Variants in SLC2A14 observed in about 807,000 individuals in gnomAD.
SLC2A14 encodes solute carrier family 2 member 14, also known as solute carrier family 2, facilitated glucose transporter member 14.
Under a neutral mutation model 43.0 loss-of-function variants are expected in SLC2A14, and 13 were observed. The ratio of observed to expected loss-of-function variants is 0.30; its 90% CI spans 0.20 to 0.48. SLC2A14 has a LOEUF of 0.48. SLC2A14 is among the 20% of genes least tolerant of loss of function. The pLI, the probability that SLC2A14 is intolerant of heterozygous loss-of-function variation, is 0.99. For missense variants in SLC2A14, 428 were observed against 620.4 expected, an observed-to-expected ratio of 0.69 and a Z score of 3.29; for synonymous variants, 190 against 233.8, an observed-to-expected ratio of 0.81 and a Z score of 1.71.
At position 7,817,739 on chromosome 12, in the gene SLC2A14, A is replaced by AATAT. The variant is rs200083055; in HGVS notation, c.1275+88_1275+91dup. 5.8e-4 allele frequency: 447 copies of AATAT among 776,588 alleles called. 3 individuals are homozygous for AATAT. The highest frequency in any genetic ancestry group is 7.3e-4 in the Non-Finnish European group (414 of 565,704). The allele number at this position is 776,588 out of a possible 1,614,324, so 48.1% of individuals were successfully genotyped here. A position where few individuals can be genotyped will look rare whatever the true frequency, so the allele number is the denominator to read the frequency against. ...CACCAGGGCGAGACTCAGTCTCAAA[A>AATAT]ATATATATATATATAGATAGATAGA... On this transcript the variant is annotated intron_variant, in intron 10 of 10. Transcript: ENST00000431042.
At chr12:7,856,260 G>A (rs534449665) in intron 2 of SLC2A14, 45 of 152,264 alleles carry the variant, frequency 3.0e-4, no homozygotes, top group African/African-American at 9.9e-4. Context: ...GGGCTGAAGT[G>A]TGCTTTGCAC....
At chr12:7,844,825 C>T (rs1441651375) in intron 2 of SLC2A14, among the ~76,000 whole-genome samples, 4 of 152,024 alleles carry the variant, frequency 2.6e-5, no homozygotes, top group Non-Finnish European at 4.4e-5. Flanking sequence ...TGTGAGCCAC[C>T]GCACCGGGCT....
Position 7,861,974 on chromosome 12 carries a change from A to AAAC in SLC2A14, c.18+7888_18+7889insGTT, listed in dbSNP as rs1555143036. 2.0e-5 allele frequency among the ~76,000 whole-genome samples: 3 copies of AAAC among 146,824 alleles called. No homozygotes were observed. The South Asian group carries it at 6.5e-4, about 32-fold the overall frequency. On this transcript the variant is annotated intron_variant, in intron 2 of 10. Coordinates refer to ENST00000431042, the MANE Select transcript of SLC2A14 (RefSeq NM_001286234.2). ...GAGACTCCATTTCAAAAAAAAAAAA[A>AAAC]CAAAAACAAAGGCCAGTGTGGTGAC...
intron 8 of SLC2A14, 127 bp downstream of exon 8, chr12:7,821,094 T>C: frequency 1.4e-6 from 1 of 704,046 alleles, no homozygotes. Context: ...CTCAAAAAAT[T>C]TAAAAAAATA....
intron 2 of SLC2A14, among the ~76,000 whole-genome samples, chr12:7,841,476 G>A (rs1385487616): frequency 6.6e-6 from 1 of 152,056 alleles, no homozygotes; most frequent in African/African-American, 2.4e-5. Flanking sequence ...GGCCAGGCTG[G>A]TGTTGAACTC....
intron 2 of SLC2A14, among the ~76,000 whole-genome samples, chr12:7,844,377 A>C (rs1447461294): frequency 6.6e-6 from 1 of 152,052 alleles, no homozygotes; most frequent in Non-Finnish European, 1.5e-5. Flanking sequence ...ACATTTACTT[A>C]TCTATTCTCC....
intron 2 of SLC2A14, chr12:7,863,458 CT>C (rs1420763818): frequency 4.4e-6 from 2 of 452,354 alleles, no homozygotes; most frequent in Admixed American, 2.4e-5. Flanking sequence ...AACTCCATCT[CT>C]ATTAAAAATA....
At chr12:7,843,874 G>A (rs12231173) in intron 2 of SLC2A14, among the ~76,000 whole-genome samples, 36,602 of 144,284 alleles carry the variant, frequency 0.25, 934 homozygotes, top group East Asian at 0.32. Flanking sequence ...GTGCTGGGGC[G>A]GTTAGAATGC....
intron 2 of SLC2A14, among the ~76,000 whole-genome samples, chr12:7,841,057 G>A (rs1278385256): frequency 2.6e-5 from 4 of 152,114 alleles, no homozygotes; most frequent in Non-Finnish European, 5.9e-5. Context: ...CTCCCTTTAA[G>A]TTCTCATGGT....
At chr12:7,859,548 C>A (rs1204287897) in intron 2 of SLC2A14, among the ~76,000 whole-genome samples, 1 of 152,002 alleles carries the variant, frequency 6.6e-6, no homozygotes, top group Non-Finnish European at 1.5e-5. Context: ...GACTGGAAAA[C>A]AAGATGATTG....
At chr12:7,816,766 G>A (rs1243906401) in intron 10 of SLC2A14, among the ~76,000 whole-genome samples, 4 of 152,046 alleles carry the variant, frequency 2.6e-5, no homozygotes, top group Admixed American at 2.6e-4. Context: ...GGAGTGTCAT[G>A]GCAAGATCTT....
At chr12:7,862,401 C>T (rs985438738) in intron 2 of SLC2A14, among the ~76,000 whole-genome samples, 4 of 152,134 alleles carry the variant, frequency 2.6e-5, no homozygotes, top group Admixed American at 6.6e-5. Flanking sequence ...GATTTCTCGC[C>T]GGGCCTTAGC....
In SLC2A14 at chr12:7,848,666, C is replaced by A. The variant is rs111574288; in HGVS notation, c.19-15852G>T. On this transcript the variant is annotated intron_variant, in intron 2 of 10. Coordinates refer to ENST00000431042, the MANE Select transcript of SLC2A14 (RefSeq NM_001286234.2). ...CACCTCCTGCGTTCAAGCAATTCTC[C>A]TGCCTCAGCCTCCCGAGTAGCTGGG... Among the ~76,000 whole-genome samples, 418 of 151,970 alleles carry A rather than the reference C, an allele frequency of 2.8e-3. 5 individuals carry two copies. The highest frequency in any genetic ancestry group is 9.6e-3 in the African/African-American group (396 of 41,436).
chr12:7,867,377 A>G (rs1944984638), intron 2 of SLC2A14, among the ~76,000 whole-genome samples: 3 of 151,774 alleles, frequency 2.0e-5, no homozygotes, highest in Admixed American at 1.3e-4. Flanking sequence ...GTTGATTCCA[A>G]CCATCATGGA....
chr12:7,872,088 C>G (rs1018403114), intron 1 of SLC2A14: 2 of 189,624 alleles, frequency 1.1e-5, no homozygotes, highest in Non-Finnish European at 2.0e-5. Context: ...TAAACTGGGA[C>G]AAAACTAATA....
intron 2 of SLC2A14, among the ~76,000 whole-genome samples, chr12:7,845,925 C>G (rs751024922): frequency 4.6e-5 from 7 of 151,786 alleles, no homozygotes; most frequent in Non-Finnish European, 8.8e-5. Flanking sequence ...AACCCCATCT[C>G]TATCAAAAAT....
At chr12:7,834,563 C>A (rs1278081631) in intron 2 of SLC2A14, among the ~76,000 whole-genome samples, 6 of 121,354 alleles carry the variant, frequency 4.9e-5, no homozygotes, top group African/African-American at 9.5e-5. Flanking sequence ...CCTTCTCTAT[C>A]AAAAAAAAAA....
At chr12:7,818,951 C>G (rs1439847291) in intron 9 of SLC2A14, among the ~76,000 whole-genome samples, 1 of 152,154 alleles carries the variant, frequency 6.6e-6, no homozygotes, top group Admixed American at 6.5e-5. Flanking sequence ...GGCACAGTGG[C>G]TCATGCCTGT....
chr12:7,888,610 CA>C (rs1945723839), intron 1 of SLC2A14, among the ~76,000 whole-genome samples: 1 of 151,722 alleles, frequency 6.6e-6, no homozygotes. Context: ...CCATCCTGGC[CA>C]ACATGGTGAA....
Sources: gnomAD v4.1 joint callset for allele counts (sites outside exome capture counted in the v4.1 genomes callset) on GRCh38, gnomAD v4.1.1 for gene constraint, MANE v1.5 for transcripts, NCBI Gene and HGNC (gene_info 2026-07-23, HGNC 2026-07-21) for gene names.